SGCD: variants seen among roughly 807,000 people sequenced by gnomAD.
SGCD encodes the protein sarcoglycan delta, also known as delta-sarcoglycan.
A neutral mutation model predicts 36.6 loss-of-function variants in SGCD; 18 were observed. The observed-to-expected ratio is 0.49, with a 90% CI of 0.34 to 0.73. The LOEUF (loss-of-function observed/expected upper bound fraction) is 0.73, where lower values mean the gene tolerates loss of function less well. SGCD is among the 30% of genes least tolerant of loss of function. The pLI, the probability that SGCD is intolerant of heterozygous loss-of-function variation, is 0.01. For synonymous variants in SGCD, 133 were observed against 130.6 expected (o/e 1.02, Z -0.12); for missense variants, 387 against 346.7 (o/e 1.12, Z -0.92).
At chr5:156,751,367 A>C (rs1245593198) in intron 7 of SGCD, among the ~76,000 whole-genome samples, 1 of 152,228 alleles carries the variant, frequency 6.6e-6, no homozygotes, top group Non-Finnish European at 1.5e-5. Context: ...AAAACCTTTG[A>C]AAACAATATA....
the SGCD span, among the ~76,000 whole-genome samples, chr5:155,804,076 T>C: frequency 6.6e-6 from 1 of 152,194 alleles, no homozygotes; most frequent in South Asian, 2.1e-4. Context: ...GAAACTCAGG[T>C]AGTGAGAACA....
At chr5:155,743,691 G>A in the SGCD span, among the ~76,000 whole-genome samples, 1 of 152,174 alleles carries the variant, frequency 6.6e-6, no homozygotes, top group Non-Finnish European at 1.5e-5. Context: ...CCTGGAGCAA[G>A]TAAAGAAAAT....
intron 1 of SGCD, among the ~76,000 whole-genome samples, chr5:156,071,380 CG>C (rs1239450067): frequency 7.2e-5 from 11 of 152,256 alleles, no homozygotes; most frequent in African/African-American, 2.6e-4. Context: ...GCCTTCATTT[CG>C]TGATGTACCC....
At chr5:155,776,152 A>G in the SGCD span, among the ~76,000 whole-genome samples, 7 of 152,138 alleles carry the variant, frequency 4.6e-5, no homozygotes, top group African/African-American at 1.4e-4. Flanking sequence ...AAAGGTGGCA[A>G]TTGGGCAGTG....
chr5:156,346,612 C>G (rs1768955004), intron 3 of SGCD, among the ~76,000 whole-genome samples: 1 of 152,068 alleles, frequency 6.6e-6, no homozygotes, highest in Non-Finnish European at 1.5e-5. Context: ...GAGTTCAGTT[C>G]TTTTGAAAAA....
At chr5:156,252,953 T>A (rs909835318) in intron 3 of SGCD, among the ~76,000 whole-genome samples, 1 of 152,210 alleles carries the variant, frequency 6.6e-6, no homozygotes, top group African/African-American at 2.4e-5. Context: ...GCAAAATCAC[T>A]AATACCTACT....
chr5:156,501,115 C>G (rs1048495810), intron 3 of SGCD, among the ~76,000 whole-genome samples: 2 of 152,168 alleles, frequency 1.3e-5, no homozygotes, highest in South Asian at 2.1e-4. Flanking sequence ...AACCCCTCCT[C>G]GGGACACTGG....
chr5:155,818,332 G>A, the SGCD span, among the ~76,000 whole-genome samples: 1 of 152,150 alleles, frequency 6.6e-6, no homozygotes, highest in Middle Eastern at 3.4e-3. Context: ...CAAAAAGAAA[G>A]GCCAGCAAGA....
At chr5:156,137,744 G>T (rs1002209181) in intron 3 of SGCD, among the ~76,000 whole-genome samples, 2 of 152,038 alleles carry the variant, frequency 1.3e-5, no homozygotes, top group African/African-American at 4.8e-5. Flanking sequence ...TCAAATATGG[G>T]TGGGGCCGGC....
intron 5 of SGCD, among the ~76,000 whole-genome samples, chr5:156,590,607 A>G (rs1276293530): frequency 6.6e-6 from 1 of 152,178 alleles, no homozygotes; most frequent in Non-Finnish European, 1.5e-5. Flanking sequence ...TTTCACATTC[A>G]AAAGGAACTT....
intron 8 of SGCD, 189 bp downstream of exon 8, chr5:156,757,893 T>C: frequency 7.6e-7 from 1 of 1,315,656 alleles, no homozygotes; most frequent in Non-Finnish European, 9.7e-7. Flanking sequence ...AAAGTGATGA[T>C]TTCTTATTTG....
chr5:156,122,843 T>TAAAAAAAAAAAAAAAAAAAAAAA (rs33983852), intron 2 of SGCD, among the ~76,000 whole-genome samples: 2 of 54,170 alleles, frequency 3.7e-5, no homozygotes, highest in Non-Finnish European at 6.4e-5. Flanking sequence ...AAAGATGTGG[T>TAAAAAAAAAAAAAAAAAAAAAAA]AAAAAAAAAA....
chr5:155,996,863 G>GGATGGATA (rs367879360), intron 1 of SGCD, among the ~76,000 whole-genome samples: 1,804 of 133,330 alleles, frequency 0.014, 53 homozygotes, highest in African/African-American at 0.045. Flanking sequence ...CTGGATGGAT[G>GGATGGATA]GATAGATAGA....
At chr5:155,900,474 G>T (rs1433403763) in intron 1 of SGCD, among the ~76,000 whole-genome samples, 2 of 151,356 alleles carry the variant, frequency 1.3e-5, no homozygotes, top group African/African-American at 4.9e-5. Context: ...TGCACAATAT[G>T]CAGGTTAGTT....
chr5:156,689,621 G>C (rs1436626379), intron 7 of SGCD, among the ~76,000 whole-genome samples: 1 of 152,174 alleles, frequency 6.6e-6, no homozygotes, highest in East Asian at 1.9e-4. Context: ...ATTACCAGTG[G>C]TGTAGGCACA....
At chr5:156,005,774 G>A (rs1174402099) in intron 1 of SGCD, among the ~76,000 whole-genome samples, 1 of 152,110 alleles carries the variant, frequency 6.6e-6, no homozygotes, top group African/African-American at 2.4e-5. Context: ...AATGTCAAGC[G>A]TTGTTTTTAA....
intron 7 of SGCD, among the ~76,000 whole-genome samples, chr5:156,743,428 C>A (rs1756790969): frequency 6.6e-6 from 1 of 152,116 alleles, no homozygotes; most frequent in Admixed American, 6.5e-5. Context: ...CTTATTAATA[C>A]CACATTATCT....
intron 1 of SGCD, among the ~76,000 whole-genome samples, chr5:156,094,202 G>A (rs527953752): frequency 6.6e-6 from 1 of 152,258 alleles, no homozygotes; most frequent in Non-Finnish European, 1.5e-5. Flanking sequence ...CTGCAGCCTT[G>A]GGAAGGGTTG....
intron 3 of SGCD, among the ~76,000 whole-genome samples, chr5:156,303,990 G>T (rs193146953): frequency 6.6e-6 from 1 of 152,078 alleles, no homozygotes; most frequent in Non-Finnish European, 1.5e-5. Flanking sequence ...TAGGTCATAG[G>T]CACCCCAAAT....
Sources: gnomAD v4.1 joint callset for allele counts (sites outside exome capture counted in the v4.1 genomes callset) on GRCh38, gnomAD v4.1.1 for gene constraint, MANE v1.5 for transcripts, NCBI Gene and HGNC (gene_info 2026-07-23, HGNC 2026-07-21) for gene names.